KCNMB2: variants seen among roughly 807,000 people sequenced by gnomAD.
The protein encoded by KCNMB2 is calcium-activated potassium channel subunit beta-2.
Under a neutral mutation model 24.5 loss-of-function variants are expected in KCNMB2, and 9 were observed. The ratio of observed to expected loss-of-function variants is 0.37; its 90% CI spans 0.22 to 0.64. KCNMB2 has a LOEUF of 0.64. Among genes scored for constraint, KCNMB2 ranks in the 30% least tolerant of loss-of-function variants. KCNMB2 has a pLI of 0.63. For synonymous variants in KCNMB2, 109 were observed against 104.4 expected, an observed-to-expected ratio of 1.04 and a Z score of -0.27; for missense variants, 226 against 284.3, an observed-to-expected ratio of 0.79 and a Z score of 1.47.
chr3:178,662,791 A>G (rs1018900082), intron 1 of KCNMB2, among the ~76,000 whole-genome samples: 11 of 152,214 alleles, frequency 7.2e-5, no homozygotes, highest in South Asian at 6.2e-4. Flanking sequence ...TACTTATGCT[A>G]AGATCTCTAA....
intron 1 of KCNMB2, among the ~76,000 whole-genome samples, chr3:178,607,913 C>A (rs1348741851): frequency 6.6e-6 from 1 of 152,062 alleles, no homozygotes; most frequent in Non-Finnish European, 1.5e-5. Context: ...AGAATGAACA[C>A]CATTTCTCTA....
At chr3:178,716,709 C>T (rs759437185) in intron 1 of KCNMB2, among the ~76,000 whole-genome samples, 15 of 152,180 alleles carry the variant, frequency 9.9e-5, no homozygotes, top group Non-Finnish European at 1.8e-4. Flanking sequence ...TCTCAAAGTG[C>T]TGGGATTACA....
intron 1 of KCNMB2, among the ~76,000 whole-genome samples, chr3:178,692,423 T>C (rs764551975): frequency 4.6e-5 from 7 of 152,198 alleles, no homozygotes; most frequent in Non-Finnish European, 8.8e-5. Context: ...TTTTTGCATA[T>C]GGTATAAGGA....
At chr3:178,706,519 C>T (rs192428296) in intron 1 of KCNMB2, among the ~76,000 whole-genome samples, 1 of 152,072 alleles carries the variant, frequency 6.6e-6, no homozygotes, top group Non-Finnish European at 1.5e-5. Flanking sequence ...CAATATCTGG[C>T]CTTGTACCCC....
chr3:178,642,327 G>C (rs1213717361), intron 1 of KCNMB2, among the ~76,000 whole-genome samples: 6 of 152,128 alleles, frequency 3.9e-5, no homozygotes, highest in African/African-American at 1.4e-4. Context: ...GAAGATCAGA[G>C]TTCTAACCAG....
At chr3:178,591,649 T>C (rs1717679176) in intron 1 of KCNMB2, among the ~76,000 whole-genome samples, 1 of 152,186 alleles carries the variant, frequency 6.6e-6, no homozygotes, top group Admixed American at 6.5e-5. Flanking sequence ...GTTTTTATAA[T>C]CTGGCATCTG....
intron 1 of KCNMB2, among the ~76,000 whole-genome samples, chr3:178,612,582 A>G (rs1718519508): frequency 6.6e-6 from 1 of 152,058 alleles, no homozygotes; most frequent in Non-Finnish European, 1.5e-5. Context: ...TTTTATTGGT[A>G]TAAAATATCT....
At chr3:178,596,052 T>A (rs1717860106) in intron 1 of KCNMB2, among the ~76,000 whole-genome samples, 1 of 152,074 alleles carries the variant, frequency 6.6e-6, no homozygotes, top group Non-Finnish European at 1.5e-5. Context: ...GAGAGGCACC[T>A]TCCACTCAAC....
chr3:178,702,080 C>A (rs1722118914), intron 1 of KCNMB2, among the ~76,000 whole-genome samples: 1 of 151,962 alleles, frequency 6.6e-6, no homozygotes, highest in Non-Finnish European at 1.5e-5. Flanking sequence ...GGCACATATA[C>A]ACCATGGAAT....
At chr3:178,621,670 C>T (rs560955543) in intron 1 of KCNMB2, among the ~76,000 whole-genome samples, 51 of 152,176 alleles carry the variant, frequency 3.4e-4, no homozygotes, top group African/African-American at 1.1e-3. Flanking sequence ...ATTTACTATG[C>T]ATTTGTGAGA....
chr3:178,694,607 G>T (rs1721808726), intron 1 of KCNMB2, among the ~76,000 whole-genome samples: 1 of 152,214 alleles, frequency 6.6e-6, no homozygotes, highest in African/African-American at 2.4e-5. Flanking sequence ...GGAGAAATTG[G>T]CCAAAACAAA....
chr3:178,603,830 T>C (rs551811140), intron 1 of KCNMB2, among the ~76,000 whole-genome samples: 1 of 152,236 alleles, frequency 6.6e-6, no homozygotes, highest in East Asian at 1.9e-4. Context: ...TCAGGGACAT[T>C]TGAAAATTTC....
intron 1 of KCNMB2, among the ~76,000 whole-genome samples, chr3:178,555,970 A>G (rs955875193): frequency 3.3e-5 from 5 of 152,366 alleles, no homozygotes; most frequent in Middle Eastern, 3.4e-3. Context: ...AGAATTAGAA[A>G]TAAGAAGGAA....
intron 1 of KCNMB2, among the ~76,000 whole-genome samples, chr3:178,541,052 T>A (rs540153502): frequency 1.3e-5 from 2 of 152,214 alleles, no homozygotes; most frequent in African/African-American, 4.8e-5. Flanking sequence ...ATTCCAAGTA[T>A]AAGATTTTCA....
intron 1 of KCNMB2, among the ~76,000 whole-genome samples, chr3:178,585,399 T>G (rs1325162925): frequency 2.0e-5 from 3 of 152,168 alleles, no homozygotes; most frequent in African/African-American, 4.8e-5. Flanking sequence ...AACCATCCCT[T>G]TCACTAGACT....
intron 1 of KCNMB2, among the ~76,000 whole-genome samples, chr3:178,727,754 A>G (rs1723011266): frequency 6.6e-6 from 1 of 152,170 alleles, no homozygotes; most frequent in Admixed American, 6.6e-5. Context: ...ACACACCTTT[A>G]TTTTAGCCCC....
chr3:178,689,494 G>A (rs1421679941), intron 1 of KCNMB2, among the ~76,000 whole-genome samples: 1 of 152,032 alleles, frequency 6.6e-6, no homozygotes, highest in African/African-American at 2.4e-5. Flanking sequence ...AAGTTAGCTG[G>A]GCGTGGTGGT....
chr3:178,628,690 G>T (rs1719204518), intron 1 of KCNMB2, among the ~76,000 whole-genome samples: 1 of 152,058 alleles, frequency 6.6e-6, no homozygotes, highest in Non-Finnish European at 1.5e-5. Flanking sequence ...ACCATAGAAG[G>T]GCACTTTCTG....
intron 1 of KCNMB2, among the ~76,000 whole-genome samples, chr3:178,608,387 CT>C (rs71628067): frequency 0.26 from 40,095 of 151,804 alleles, 5,764 homozygotes; most frequent in Middle Eastern, 0.37. Flanking sequence ...TTAATTTATC[CT>C]TTTTTTAATT....
Sources: gnomAD v4.1 joint callset for allele counts (sites outside exome capture counted in the v4.1 genomes callset) on GRCh38, gnomAD v4.1.1 for gene constraint, MANE v1.5 for transcripts, NCBI Gene and HGNC (gene_info 2026-07-23, HGNC 2026-07-21) for gene names.